Variants in ANKRD11 observed in about 807,000 individuals in gnomAD.
ANKRD11 encodes the protein ankyrin repeat domain 11.
In ANKRD11, 17 loss-of-function variants were observed where a neutral mutation model predicts 195.7. The ratio of observed to expected loss-of-function variants is 0.09; its 90% CI spans 0.06 to 0.13. ANKRD11 has a LOEUF of 0.13. Ranked by LOEUF, ANKRD11 falls within the 10% of genes least tolerant of loss-of-function variation. The pLI, the probability that ANKRD11 is intolerant of heterozygous loss-of-function variation, is 1.00. For missense variants in ANKRD11, 3,735 were observed against 3,566.1 expected (o/e 1.05, Z -1.21); for synonymous variants, 1,953 against 1,528.1 (o/e 1.28, Z -6.49).
intron 2 of ANKRD11, among the ~76,000 whole-genome samples, chr16:89,406,944 C>G (rs549274455): frequency 2.6e-5 from 4 of 152,206 alleles, no homozygotes; most frequent in African/African-American, 9.6e-5. Context: ...TTTGGGAGGC[C>G]AGGGGAAGGG....
Position 89,477,372 on chromosome 16 carries a change from C to A in ANKRD11, c.-145+12873G>T, listed in dbSNP as rs186208393. On this transcript the variant is annotated intron_variant, in intron 1 of 12. Transcript: ENST00000301030. ...CACGCGTAATTTCTTTTTTTTCTCTCTGAGATGGCGTCTCACTCTGTCACC... is the reference window on the plus strand; with the variant it reads ...CACGCGTAATTTCTTTTTTTTCTCTATGAGATGGCGTCTCACTCTGTCACC... 4.6e-4 allele frequency among the ~76,000 whole-genome samples: 69 copies of A among 151,060 alleles called. 1 individual carries two copies. The highest frequency in any genetic ancestry group is 1.5e-3 in the African/African-American group (60 of 41,188).
At chr16:89,300,380 C>T (rs1455452062) in intron 4 of ANKRD11, 3 of 197,316 alleles carry the variant, frequency 1.5e-5, no homozygotes, top group South Asian at 7.4e-5. Flanking sequence ...CACTGGTCCA[C>T]GGCACACTGC....
chr16:89,418,437 T>C, intron 1 of ANKRD11, 69 bp from the exon 2 acceptor site: 1 of 406,532 alleles, frequency 2.5e-6, no homozygotes, highest in South Asian at 1.7e-5. Flanking sequence ...ATCGCTCTCG[T>C]CTCCCTCCAT....
At position 89,282,736 on chromosome 16, in the gene ANKRD11, T is replaced by C. The variant is rs2034364432; in HGVS notation, c.3806A>G (p.Lys1269Arg). The change falls in exon 9 of 13, where the codon AAG becomes AGG. Residue 1269 changes from lysine (K) to arginine (R), a missense_variant. Lys to Arg is a conservative substitution (Grantham distance 26). Transcript: ENST00000301030. ...KSDKEHSKERKSSRSADAEKS... is the reference protein window; with the variant it reads ...KSDKEHSKERRSSRSADAEKS... ...TTCCGCGTCGGCACTTCTCGAGGAC[T>C]TCCTCTCCTTGGAATGTTCTTTGTC... 25 of 1,613,868 alleles carry C rather than the reference T, an allele frequency of 1.5e-5. No homozygotes were observed. The highest frequency in any genetic ancestry group is 1.2e-4 in the South Asian group (11 of 91,080).
At chr16:89,459,644 A>T (rs957112978) in intron 1 of ANKRD11, among the ~76,000 whole-genome samples, 10 of 152,202 alleles carry the variant, frequency 6.6e-5, no homozygotes, top group Non-Finnish European at 1.3e-4. Context: ...CAAACAACTG[A>T]TCGTGTTCTA....
intron 2 of ANKRD11, among the ~76,000 whole-genome samples, chr16:89,328,214 T>C (rs951860277): frequency 2.6e-5 from 4 of 152,238 alleles, no homozygotes; most frequent in African/African-American, 7.2e-5. Flanking sequence ...CTGGAGAGGA[T>C]GTAGAAAAGC....
intron 1 of ANKRD11, among the ~76,000 whole-genome samples, chr16:89,461,048 C>T (rs1419153699): frequency 7.1e-6 from 1 of 141,490 alleles, no homozygotes; most frequent in Non-Finnish European, 1.5e-5. Flanking sequence ...ATGACCACCC[C>T]CCCGCAGGAG....
At chr16:89,363,201 G>T (rs1476456908) in intron 2 of ANKRD11, among the ~76,000 whole-genome samples, 1 of 152,108 alleles carries the variant, frequency 6.6e-6, no homozygotes, top group East Asian at 1.9e-4. Flanking sequence ...CCAGATAAAA[G>T]AATTCTGATC....
chr16:89,284,331 G>C lies in ANKRD11; in HGVS notation c.2211C>G (p.Asp737Glu), dbSNP rs1597461565. 1.2e-6 allele frequency: 2 copies of C among 1,613,602 alleles called. No individual in the cohort carries two copies. Among genetic ancestry groups the C allele is most frequent in the East Asian group, 2.2e-5 (1 of 44,870 alleles). The change falls in exon 9 of 13, where the codon GAC (aspartate) becomes GAG (glutamate). Residue 737 changes from aspartate to glutamate, a missense_variant. By Grantham distance (45) the Asp-to-Glu change is conservative (BLOSUM62 2). Transcript: ENST00000301030. ...DISRSFREEK[D>E]RSNKAEKERS... is the part of the protein sequence containing the mutation. ...TCTCCTTTTCTGCTTTATTCGAACG[G>C]TCTTTCTCTTCTCGGAAAGACCTGC...
Position 89,418,326 on chromosome 16 carries a change from TAAATCC to T in ANKRD11, c.-108_-103del. 2 of 454,026 alleles carry T rather than the reference TAAATCC, an allele frequency of 4.4e-6. No individual in the cohort carries two copies. Among genetic ancestry groups the T allele is most frequent in the Non-Finnish European group, 8.8e-6 (2 of 226,706 alleles). 28.1% of individuals were successfully genotyped at this position (454,026 alleles called of 1,614,324 possible). A position where few individuals can be genotyped will look rare whatever the true frequency, so the allele number is the denominator to read the frequency against. On this transcript the variant is annotated 5_prime_UTR_variant, in exon 2 of 13. The change creates a premature stop within an existing upstream ORF in the 5' untranslated region. Transcript: ENST00000301030. ...GTCAGTGCTGACGAGGACTGTCTTT[TAAATCC>T]AATGGAGGTGTGTCCCAGAGCAGGG...
chr16:89,297,448 A>G (rs942405507), intron 4 of ANKRD11: 1 of 152,110 alleles, frequency 6.6e-6, no homozygotes, highest in African/African-American at 2.4e-5. Flanking sequence ...ATTCTCTTCC[A>G]TTTGACTAAA....
intron 4 of ANKRD11, among the ~76,000 whole-genome samples, chr16:89,295,985 C>CCTTTTTTTTTT (rs1194925204): frequency 2.2e-5 from 1 of 45,142 alleles, no homozygotes; most frequent in Non-Finnish European, 3.7e-5. Flanking sequence ...ATCTGGCTGC[C>CCTTTTTTTTTT]TTTTTTTTTT....
At chr16:89,293,315 T>C (rs918999808) in intron 4 of ANKRD11, among the ~76,000 whole-genome samples, 6 of 152,102 alleles carry the variant, frequency 3.9e-5, no homozygotes, top group African/African-American at 1.2e-4. Context: ...CCTTATTCCA[T>C]TGACCATCAG....
chr16:89,327,134 C>A (rs184021789), intron 2 of ANKRD11, among the ~76,000 whole-genome samples: 3 of 152,254 alleles, frequency 2.0e-5, no homozygotes, highest in African/African-American at 7.2e-5. Context: ...GGCACCTACA[C>A]TTCTGATGAC....
At chr16:89,399,397 C>G (rs571122720) in intron 2 of ANKRD11, among the ~76,000 whole-genome samples, 1 of 152,292 alleles carries the variant, frequency 6.6e-6, no homozygotes, top group Admixed American at 6.5e-5. Context: ...TGAGTGAAAG[C>G]AGCCCGTCTC....
chr16:89,291,946 CA>C lies in ANKRD11; in HGVS notation c.227-764del. Reference sequence around the variant, plus strand: ...TGTGTCTTTTAAAAGAGGCAGGAGGCAGGGGCGGGGAAGAGAAGACCCCAAG... The same window carrying C: ...TGTGTCTTTTAAAAGAGGCAGGAGGCGGGGCGGGGAAGAGAAGACCCCAAG... On this transcript the variant is annotated intron_variant, in intron 4 of 12. Coordinates refer to ENST00000301030, the MANE Select transcript of ANKRD11 (RefSeq NM_013275.6). This position sits in a 1 kb window ranked among gnomAD's most constrained non-coding sequence, Gnocchi z 5.3. 2.4e-6 allele frequency: 1 copy of C among 419,954 alleles called. No homozygotes were observed. The highest frequency in any genetic ancestry group is 2.7e-5 in the Admixed American group (1 of 37,328). The allele number at this position is 419,954 out of a possible 1,614,324, so 26.0% of individuals were successfully genotyped here.
At chr16:89,457,910 A>G (rs192576763) in intron 1 of ANKRD11, among the ~76,000 whole-genome samples, 18 of 152,290 alleles carry the variant, frequency 1.2e-4, no homozygotes, top group African/African-American at 4.3e-4. Context: ...GCGAACCAAT[A>G]CACAATCGTC....
At chr16:89,420,508 G>A (rs1196510332) in intron 1 of ANKRD11, 3 of 152,148 alleles carry the variant, frequency 2.0e-5, no homozygotes, top group Non-Finnish European at 2.9e-5. Context: ...GCCCAAATCA[G>A]GTGAAAGTGA....
intron 2 of ANKRD11, among the ~76,000 whole-genome samples, chr16:89,397,826 C>G (rs564801144): frequency 6.6e-6 from 1 of 152,222 alleles, no homozygotes; most frequent in South Asian, 2.1e-4. Context: ...ACAAGCGGCC[C>G]GTGCCACGTC....
Sources: gnomAD v4.1 joint callset for allele counts (sites outside exome capture counted in the v4.1 genomes callset) on GRCh38, gnomAD v4.1.1 for gene constraint, Gnocchi (gnomAD v3.1) non-coding constraint, MANE v1.5 for transcripts, NCBI Gene and HGNC (gene_info 2026-07-23, HGNC 2026-07-21) for gene names.